The following COL6A5 variants were observed in gnomAD, a reference collection of about 807,000 sequenced individuals.
The protein encoded by COL6A5 is collagen alpha-5(VI) chain.
A neutral mutation model predicts 65.6 loss-of-function variants in COL6A5; 48 were observed. That is an observed-to-expected ratio of 0.73 (90% CI 0.58 to 0.93). COL6A5 has a LOEUF of 0.93. COL6A5 is among the 40% of genes least tolerant of loss of function. The pLI, the probability that COL6A5 is intolerant of heterozygous loss-of-function variation, is 0.00. For missense variants in COL6A5, 914 were observed against 928.3 expected, an observed-to-expected ratio of 0.98 and a Z score of 0.20; for synonymous variants, 291 against 322.8, an observed-to-expected ratio of 0.90 and a Z score of 1.05.
At position 130,355,270 on chromosome 3, in the gene COL6A5, A is replaced by T. The variant is rs77521823; in HGVS notation, c.-29+9289A>T. Among the ~76,000 whole-genome samples, 1,511 of 152,214 alleles carry T rather than the reference A, an allele frequency of 9.9e-3. 16 individuals carry two copies. Among genetic ancestry groups the T allele is most frequent in the South Asian group, 0.08 (388 of 4,826 alleles). Reference sequence around the variant, plus strand: ...GTGGTATTATAATCACAAAGCAAGAATTACACTTCTTGAAAGAAAAGCTAT... The same window carrying T: ...GTGGTATTATAATCACAAAGCAAGATTTACACTTCTTGAAAGAAAAGCTAT... On this transcript the variant is annotated intron_variant and NMD_transcript_variant, in intron 1 of 41. Coordinates refer to the COL6A5 transcript ENST00000312481.
chr3:130,418,774 A>G (rs1474039661), intron 24 of COL6A5, 95 bp from the exon 25 acceptor site: 2 of 937,800 alleles, frequency 2.1e-6, no homozygotes, highest in Non-Finnish European at 3.4e-6. Flanking sequence ...CCTCACTGAG[A>G]ACCTTGAGTC....
chr3:130,416,584 A>C (rs1000488986), intron 23 of COL6A5, among the ~76,000 whole-genome samples, 173 bp from the exon 24 acceptor site: 1 of 152,074 alleles, frequency 6.6e-6, no homozygotes, highest in Non-Finnish European at 1.5e-5. Context: ...CTGGAACCTG[A>C]GTCATCTGGT....
exon 13 of COL6A5, chr3:130,403,643 G>A (rs1936888270): frequency 6.4e-7 from 1 of 1,551,120 alleles, no homozygotes; most frequent in Non-Finnish European, 8.7e-7. Context: ...AGAGGACACA[G>A]GGGAGAGGAT....
chr3:130,385,506 C>A, intron 5 of COL6A5, 142 bp downstream of exon 5: 2 of 876,858 alleles, frequency 2.3e-6, no homozygotes, highest in South Asian at 3.7e-5. Context: ...TGGAGGGATT[C>A]AGCCCCTCAC....
chr3:130,460,526 T>C (rs1709678783), intron 5 of COL6A5, among the ~76,000 whole-genome samples: 1 of 152,122 alleles, frequency 6.6e-6, no homozygotes, highest in African/African-American at 2.4e-5. Flanking sequence ...AACTAATGAA[T>C]GTTCTAGAGT....
At chr3:130,391,993 G>A (rs1232080599) in intron 7 of COL6A5, among the ~76,000 whole-genome samples, 3 of 152,112 alleles carry the variant, frequency 2.0e-5, no homozygotes, top group African/African-American at 7.2e-5. Context: ...GCATTCCGTG[G>A]CATTTTACTA....
At chr3:130,451,686 A>T (rs1418450597) in intron 4 of COL6A5, among the ~76,000 whole-genome samples, 1 of 152,068 alleles carries the variant, frequency 6.6e-6, no homozygotes, top group Non-Finnish European at 1.5e-5. Flanking sequence ...AAATAAGATC[A>T]TCGGGGGTGA....
upstream of COL6A5, among the ~76,000 whole-genome samples, chr3:130,426,720 G>A (rs2107689814): frequency 6.6e-6 from 1 of 152,226 alleles, no homozygotes; most frequent in Admixed American, 6.5e-5. Context: ...AAAGGACTGG[G>A]AGGGCATGTT....
intron 1 of COL6A5, among the ~76,000 whole-genome samples, chr3:130,363,037 C>T (rs1935199343): frequency 6.6e-6 from 1 of 152,110 alleles, no homozygotes; most frequent in South Asian, 2.1e-4. Context: ...TTAATATCTA[C>T]CATATTTGTT....
intron 1 of COL6A5, among the ~76,000 whole-genome samples, chr3:130,366,792 A>G (rs1214760678): frequency 2.6e-5 from 4 of 152,236 alleles, no homozygotes; most frequent in African/African-American, 9.6e-5. Context: ...CTATGCACCT[A>G]CTATGGGGTA....
intron 4 of COL6A5, among the ~76,000 whole-genome samples, chr3:130,453,189 G>A (rs1384114823): frequency 6.6e-6 from 1 of 152,086 alleles, no homozygotes; most frequent in East Asian, 1.9e-4. Context: ...GTAAAGACAG[G>A]CATAGGAAAT....
upstream of COL6A5, chr3:130,431,289 T>C: frequency 1.3e-6 from 1 of 747,860 alleles, no homozygotes; most frequent in East Asian, 2.7e-5. Flanking sequence ...TGTTAACAGC[T>C]TCAAGTTTGC....
At chr3:130,376,481 T>C (rs762763781) in exon 3 of COL6A5, 5 of 1,608,062 alleles carry the variant, frequency 3.1e-6, no homozygotes, top group Middle Eastern at 1.7e-4. Flanking sequence ...TTCAGTTCAT[T>C]GGCGGGTCCC....
chr3:130,398,890 A>G (rs1162006635), intron 10 of COL6A5, among the ~76,000 whole-genome samples: 2 of 152,186 alleles, frequency 1.3e-5, no homozygotes, highest in African/African-American at 4.8e-5. Context: ...TGCTCTCTCA[A>G]TATAGACACC....
chr3:130,461,490 C>A (rs913794020), intron 5 of COL6A5, among the ~76,000 whole-genome samples: 1 of 152,034 alleles, frequency 6.6e-6, no homozygotes, highest in Non-Finnish European at 1.5e-5. Flanking sequence ...AATGAAGACA[C>A]TGATGCAAAG....
intron 1 of COL6A5, among the ~76,000 whole-genome samples, chr3:130,348,934 A>G (rs1934601531): frequency 6.6e-6 from 1 of 152,020 alleles, no homozygotes; most frequent in African/African-American, 2.4e-5. Context: ...GTGTCTGTTC[A>G]TATCCTTCAC....
In COL6A5 at chr3:130,469,364, T is replaced by C. The variant is rs2107614706; in HGVS notation, c.2116T>C (p.Leu706=). ...TGGCCCTAAACACAATGACAAAGAA[T>C]TAGAAGAATTAGCCAGCCACCCTCT... The change falls in exon 6 of 8, where the codon TTA becomes CTA. Residue 706 remains leucine (L), a synonymous_variant. Coordinates refer to ENST00000512836, the Ensembl canonical transcript of COL6A5. The C allele has an allele frequency of 2.5e-6, 4 of 1,612,920 alleles. No homozygotes were observed. The East Asian group carries it at 8.9e-5, about 36-fold the overall frequency.
intron 17 of COL6A5, among the ~76,000 whole-genome samples, chr3:130,408,935 T>C (rs1937089275): frequency 6.6e-6 from 1 of 152,220 alleles, no homozygotes. Flanking sequence ...TAACCACATG[T>C]GATTATTTAA....
chr3:130,397,275 A>G (rs996685293), intron 8 of COL6A5, among the ~76,000 whole-genome samples: 1 of 152,158 alleles, frequency 6.6e-6, no homozygotes, highest in African/African-American at 2.4e-5. Context: ...GAATGAGACT[A>G]AATTATGGTT....
Sources: gnomAD v4.1 joint callset for allele counts (sites outside exome capture counted in the v4.1 genomes callset) on GRCh38, gnomAD v4.1.1 for gene constraint, MANE v1.5 for transcripts, NCBI Gene and HGNC (gene_info 2026-07-23, HGNC 2026-07-21) for gene names.